Variants in LRRFIP2 observed in about 807,000 individuals in gnomAD.
LRRFIP2 encodes the protein LRR binding FLII interacting protein 2.
In LRRFIP2, 109 loss-of-function variants were observed where a neutral mutation model predicts 125.9. That is an observed-to-expected ratio of 0.87 (90% CI 0.74 to 1.01). The LOEUF (loss-of-function observed/expected upper bound fraction) is 1.01, where lower values mean the gene tolerates loss of function less well. Ranked by LOEUF, LRRFIP2 falls within the 50% of genes least tolerant of loss-of-function variation. LRRFIP2 has a pLI of 0.00. For missense variants in LRRFIP2, 850 were observed against 862.3 expected (o/e 0.99, Z 0.18); for synonymous variants, 291 against 293.1 (o/e 0.99, Z 0.07).
chr3:37,160,366 T>C (rs545818417), intron 1 of LRRFIP2, among the ~76,000 whole-genome samples: 1 of 152,120 alleles, frequency 6.6e-6, no homozygotes, highest in East Asian at 1.9e-4. Flanking sequence ...CTCAGAAGAA[T>C]AACTTAGTGA....
At chr3:37,080,188 T>C (rs1223590988) in intron 19 of LRRFIP2, among the ~76,000 whole-genome samples, 1 of 151,830 alleles carries the variant, frequency 6.6e-6, no homozygotes, top group African/African-American at 2.4e-5. Flanking sequence ...TCACCTGAGG[T>C]CAGTTCGGGA....
intron 1 of LRRFIP2, among the ~76,000 whole-genome samples, chr3:37,157,545 G>C (rs556712371): frequency 2.0e-5 from 3 of 152,210 alleles, no homozygotes; most frequent in African/African-American, 7.2e-5. Flanking sequence ...TTAAGAAGGA[G>C]AGGGAGGAGA....
intron 18 of LRRFIP2, among the ~76,000 whole-genome samples, chr3:37,088,241 T>C (rs143575308): frequency 6.6e-6 from 1 of 152,282 alleles, no homozygotes; most frequent in African/African-American, 2.4e-5. Context: ...ACTTCATACA[T>C]CAGTCAATTT....
intron 24 of LRRFIP2, 122 bp downstream of exon 24, chr3:37,063,620 T>C: frequency 1.3e-6 from 1 of 760,162 alleles, no homozygotes; most frequent in South Asian, 1.6e-5. Flanking sequence ...CTATCCTTCA[T>C]ATCTCACTTG....
intron 1 of LRRFIP2, among the ~76,000 whole-genome samples, chr3:37,153,426 G>A (rs1474539495): frequency 6.6e-6 from 1 of 151,748 alleles, no homozygotes; most frequent in Admixed American, 6.6e-5. Flanking sequence ...CCAATCTAAG[G>A]CTCAAAAAAT....
Position 37,065,896 on chromosome 3 carries a change from A to T in LRRFIP2, c.1613T>A (p.Val538Asp). 1 of 1,614,176 alleles carries T rather than the reference A, an allele frequency of 6.2e-7. No individual in the cohort carries two copies. The highest frequency in any genetic ancestry group is 2.2e-5 in the East Asian group (1 of 44,876). The change falls in exon 23 of 28, where the codon GTC (valine) becomes GAC (aspartate). Residue 538 changes from valine (V) to aspartate (D), a missense_variant. By Grantham distance (152) the Val-to-Asp change is radical (BLOSUM62 -3). Transcript: ENST00000336686. The part of the protein sequence containing the change: ...IIPDGTPNGD[V>D]SHEPVAGAIT... Reference sequence around the variant, plus strand: ...GGCTCCAGCCACTGGTTCATGACTGACATCACCATTGGGAGTGCCATCGGG... The same window carrying T: ...GGCTCCAGCCACTGGTTCATGACTGTCATCACCATTGGGAGTGCCATCGGG...
chr3:37,119,511 C>T (rs2094934086), intron 6 of LRRFIP2, among the ~76,000 whole-genome samples: 1 of 151,968 alleles, frequency 6.6e-6, no homozygotes, highest in Non-Finnish European at 1.5e-5. Flanking sequence ...GGCTTAATAA[C>T]AACTGTGTGA....
At chr3:37,135,011 C>G in intron 2 of LRRFIP2, 1 of 1,515,230 alleles carries the variant, frequency 6.6e-7, no homozygotes, top group Admixed American at 1.7e-5. Context: ...CCCAGATGAC[C>G]CCCTAGTGCC....
chr3:37,055,560 G>A (rs1161090923), intron 25 of LRRFIP2, among the ~76,000 whole-genome samples: 33 of 151,890 alleles, frequency 2.2e-4, no homozygotes, highest in Admixed American at 2.0e-3. Flanking sequence ...GCGATACTCC[G>A]TCCCCCTGCC....
At chr3:37,099,756 T>C (rs1387972131) in intron 15 of LRRFIP2, among the ~76,000 whole-genome samples, 1 of 152,120 alleles carries the variant, frequency 6.6e-6, no homozygotes, top group East Asian at 1.9e-4. Context: ...AAAGCCAATG[T>C]AGAAGAAAAT....
chr3:37,120,569 A>C (rs1166153225), intron 6 of LRRFIP2, among the ~76,000 whole-genome samples: 1 of 152,172 alleles, frequency 6.6e-6, no homozygotes, highest in African/African-American at 2.4e-5. Context: ...ATATTTGTGA[A>C]TATAAACATG....
At chr3:37,166,560 C>T (rs2096493501) in intron 1 of LRRFIP2, among the ~76,000 whole-genome samples, 1 of 151,898 alleles carries the variant, frequency 6.6e-6, no homozygotes, top group Non-Finnish European at 1.5e-5. Flanking sequence ...AAAATGGTCA[C>T]ATGAAAAGAT....
chr3:37,165,835 A>AAGAG (rs2096472954), intron 1 of LRRFIP2, among the ~76,000 whole-genome samples: 1 of 150,330 alleles, frequency 6.7e-6, no homozygotes. Context: ...GAAAGAAAGA[A>AAGAG]AGAAAGAAAG....
rs562042273 is a variant in LRRFIP2, at chr3:37,063,653, ATAT to A, written c.1749+86_1749+88del. 4.2e-4 allele frequency: 396 copies of A among 942,038 alleles called. 1 individual carries two copies. In the African/African-American group the frequency reaches 6.0e-3, roughly 14 times the overall value. 58.4% of individuals were successfully genotyped at this position (942,038 alleles called of 1,614,324 possible). ...TTGAGTACTGATGTTTGAAAGAAGC[ATAT>A]TTTTTTAATGAACATTTCAATTAGC... On this transcript the variant is annotated intron_variant, in intron 24 of 27. Transcript: ENST00000336686.
intron 18 of LRRFIP2, among the ~76,000 whole-genome samples, chr3:37,086,343 C>T (rs1417121398): frequency 6.6e-6 from 1 of 152,144 alleles, no homozygotes; most frequent in East Asian, 1.9e-4. Flanking sequence ...TATAGTGTTA[C>T]CACATGAGCC....
At position 37,164,974 on chromosome 3, in the gene LRRFIP2, G is replaced by A. The variant is rs555969560; in HGVS notation, c.-56+9565C>T. On this transcript the variant is annotated intron_variant, in intron 1 of 27. Coordinates refer to ENST00000336686, the MANE Select transcript of LRRFIP2 (RefSeq NM_006309.4). ...CTTCCAGCCTGGTGCGGTGGCTGACGCCTGTAATCCCAGCACTTTGGGAGG... is the reference window on the plus strand; with the variant it reads ...CTTCCAGCCTGGTGCGGTGGCTGACACCTGTAATCCCAGCACTTTGGGAGG... 9.2e-5 allele frequency among the ~76,000 whole-genome samples: 14 copies of A among 152,218 alleles called. No homozygotes were observed. The East Asian group carries it at 2.3e-3, about 25-fold the overall frequency.
rs140468076 is a variant in LRRFIP2 at position 37,116,436 on chromosome 3, C to T, written c.331-1341G>A. Reference sequence around the variant, plus strand: ...ACAGGCAGAGGCCACCGTACCCTGCCCTCAACCAGCATTTTAAAAACTAAA... The same window carrying T: ...ACAGGCAGAGGCCACCGTACCCTGCTCTCAACCAGCATTTTAAAAACTAAA... On this transcript the variant is annotated intron_variant, in intron 6 of 27. Transcript: ENST00000336686. 4.6e-3 allele frequency among the ~76,000 whole-genome samples: 707 copies of T among 152,084 alleles called. 4 individuals carry two copies. The highest frequency in any genetic ancestry group is 8.3e-3 in the Non-Finnish European group (563 of 67,994).
At chr3:37,133,933 A>T (rs888141468) in intron 2 of LRRFIP2, among the ~76,000 whole-genome samples, 1 of 152,164 alleles carries the variant, frequency 6.6e-6, no homozygotes, top group Non-Finnish European at 1.5e-5. Context: ...CTGTTATAAT[A>T]AAGTTAATAT....
At chr3:37,138,518 T>C (rs1365310019) in intron 2 of LRRFIP2, among the ~76,000 whole-genome samples, 1 of 152,208 alleles carries the variant, frequency 6.6e-6, no homozygotes, top group Non-Finnish European at 1.5e-5. Context: ...ATAAGTGTAT[T>C]TCTTCAGGAT....
Sources: allele counts gnomAD v4.1 joint callset (sites outside exome capture counted in the v4.1 genomes callset), GRCh38; gene constraint gnomAD v4.1.1; transcripts MANE v1.5; gene names NCBI Gene and HGNC (gene_info 2026-07-23, HGNC 2026-07-21).